Variants in ATP2B4 observed in about 807,000 individuals in gnomAD.
ATP2B4 encodes the protein ATPase plasma membrane Ca2+ transporting 4, also known as plasma membrane calcium-transporting ATPase 4.
In ATP2B4, 39 loss-of-function variants were observed where a neutral mutation model predicts 110.3. The observed-to-expected ratio is 0.35, with a 90% CI of 0.27 to 0.46. The LOEUF is 0.46. Ranked by LOEUF, ATP2B4 falls within the 20% of genes least tolerant of loss-of-function variation. The pLI, the probability that ATP2B4 is intolerant of heterozygous loss-of-function variation, is 1.00. For synonymous variants in ATP2B4, 538 were observed against 571.7 expected, an observed-to-expected ratio of 0.94 and a Z score of 0.84; for missense variants, 1,135 against 1,530.9, an observed-to-expected ratio of 0.74 and a Z score of 4.32.
At chr1:203,657,151 T>C (rs1308439246) in intron 1 of ATP2B4, 2 of 830,654 alleles carry the variant, frequency 2.4e-6, no homozygotes, top group East Asian at 2.4e-5. Context: ...GGGATTCTTC[T>C]TTACACCAAG....
intron 9 of ATP2B4, 115 bp from the exon 10 acceptor site, chr1:203,707,747 G>A: frequency 2.1e-6 from 3 of 1,420,304 alleles, no homozygotes; most frequent in Non-Finnish European, 2.9e-6. Flanking sequence ...TTGGATTTTT[G>A]TGTGGGACTG....
intron 1 of ATP2B4, among the ~76,000 whole-genome samples, chr1:203,669,065 T>G (rs939826386): frequency 1.3e-5 from 2 of 152,226 alleles, no homozygotes; most frequent in South Asian, 2.1e-4. Flanking sequence ...ATCTTATTTT[T>G]TCACTTCCTA....
intron 1 of ATP2B4, among the ~76,000 whole-genome samples, chr1:203,654,952 C>T (rs1404060548): frequency 6.8e-6 from 1 of 147,962 alleles, no homozygotes; most frequent in African/African-American, 2.5e-5. Context: ...AAAATATCAA[C>T]ATTAACAGGA....
At chr1:203,639,624 T>C (rs1299080324) in intron 1 of ATP2B4, among the ~76,000 whole-genome samples, 1 of 152,210 alleles carries the variant, frequency 6.6e-6, no homozygotes, top group Non-Finnish European at 1.5e-5. Flanking sequence ...GACCATGGCC[T>C]GAATGGTAAA....
rs1667043069 is a variant in ATP2B4 at position 203,744,074 on chromosome 1, A to G, written c.*4220A>G. The stretch of plus-strand genomic sequence containing the variant: ...GCACTGAGAATAAAAACTCATGCCC[A>G]CTTGTAACTGTGCTGTCCTCAATGC... On this transcript the variant is annotated 3_prime_UTR_variant, in exon 21 of 21. Coordinates refer to ENST00000357681, the MANE Select transcript of ATP2B4 (RefSeq NM_001684.5). 6.6e-6 allele frequency: 1 copy of G among 152,666 alleles called. No individual in the cohort carries two copies. The highest frequency in any genetic ancestry group is 2.1e-4 in the South Asian group (1 of 4,834). The allele number at this position is 152,666 out of a possible 1,614,324, so 9.5% of individuals were successfully genotyped here. A position where few individuals can be genotyped will look rare whatever the true frequency, so the allele number is the denominator to read the frequency against.
Position 203,664,390 on chromosome 1 carries a change from G to A in ATP2B4, c.-464-18352G>A, listed in dbSNP as rs141550160. ...GGGAGGCTCTGACAGAGGGGCAGGAGCAGTTTGCCTCCACTGTTCAGTGGC... is the reference window on the plus strand; with the variant it reads ...GGGAGGCTCTGACAGAGGGGCAGGAACAGTTTGCCTCCACTGTTCAGTGGC... On this transcript the variant is annotated intron_variant, in intron 1 of 20. Transcript: ENST00000357681. Among the ~76,000 whole-genome samples, 25 of 152,344 alleles carry A rather than the reference G, an allele frequency of 1.6e-4. No homozygotes were observed. In the East Asian group the frequency reaches 4.6e-3, roughly 28 times the overall value.
At chr1:203,693,844 C>G (rs960139945) in intron 2 of ATP2B4, among the ~76,000 whole-genome samples, 35 of 152,300 alleles carry the variant, frequency 2.3e-4, no homozygotes, top group African/African-American at 7.7e-4. Flanking sequence ...TCCCAGGAGG[C>G]AGAAACTTCA....
intron 1 of ATP2B4, among the ~76,000 whole-genome samples, chr1:203,680,225 G>A (rs1452821699): frequency 6.6e-6 from 1 of 152,134 alleles, no homozygotes; most frequent in Non-Finnish European, 1.5e-5. Flanking sequence ...TTTTGGTGGG[G>A]TGGGGGTTCC....
intron 1 of ATP2B4, among the ~76,000 whole-genome samples, chr1:203,660,121 C>T (rs1239812388): frequency 6.7e-6 from 1 of 149,960 alleles, no homozygotes; most frequent in Non-Finnish European, 1.5e-5. Flanking sequence ...AAGAAAGAAA[C>T]TTGTCCAAGG....
intron 1 of ATP2B4, among the ~76,000 whole-genome samples, chr1:203,653,985 A>ATATATATATATATATAT (rs1426863910): frequency 3.6e-5 from 4 of 112,428 alleles, no homozygotes; most frequent in African/African-American, 1.6e-4. Flanking sequence ...ATATATATAT[A>ATATATATATATATATAT]TTTTTTTTTT....
chr1:203,644,150 T>C (rs2886490), intron 1 of ATP2B4, among the ~76,000 whole-genome samples: 96,101 of 151,244 alleles, frequency 0.64, 34,043 homozygotes, highest in Non-Finnish European at 0.8. Context: ...CTCAGGAGAC[T>C]GAGGCAGGAG....
intron 2 of ATP2B4, among the ~76,000 whole-genome samples, chr1:203,685,106 C>T (rs59156771): frequency 0.015 from 2,210 of 152,316 alleles, 58 homozygotes; most frequent in African/African-American, 0.051. Context: ...TCACCTCAAC[C>T]TCCCAAAGTG....
In ATP2B4 at chr1:203,683,291, T is replaced by C; in HGVS notation, c.86T>C (p.Leu29Pro). Residue 29 changes from leucine (L) to proline (P), a missense_variant, in exon 2 of 21, where the codon CTG (leucine) becomes CCG (proline). Leu to Pro is a moderately conservative substitution (Grantham distance 98). Transcript: ENST00000357681. ...EGDFGCTVME[L>P]RKLMELRSRD... ...GACTTTGGCTGCACAGTAATGGAAC[T>C]GAGGAAGCTCATGGAGCTGCGTTCA... 6.2e-7 allele frequency: 1 copy of C among 1,614,200 alleles called. No homozygotes were observed. The highest frequency in any genetic ancestry group is 8.5e-7 in the Non-Finnish European group (1 of 1,180,032).
chr1:203,700,433 C>T (rs960155238), intron 5 of ATP2B4, 102 bp downstream of exon 5: 9 of 1,444,538 alleles, frequency 6.2e-6, no homozygotes, highest in Middle Eastern at 2.5e-4. Flanking sequence ...CCATCTCCTT[C>T]CCTGGGGTTC....
chr1:203,682,972 T>C lies in ATP2B4; in HGVS notation c.-234T>C. On this transcript the variant is annotated 5_prime_UTR_variant, in exon 2 of 21. Coordinates refer to ENST00000357681, the MANE Select transcript of ATP2B4 (RefSeq NM_001684.5). The stretch of plus-strand genomic sequence containing the variant: ...GACACGGAGTCCACCTTCCACTCAG[T>C]TCCCCCATCCTCTTCCTCCTCTCGC... 2 of 455,108 alleles carry C rather than the reference T, an allele frequency of 4.4e-6. No homozygotes were observed. The highest frequency in any genetic ancestry group is 7.9e-6 in the Non-Finnish European group (2 of 253,018). The allele number at this position is 455,108 out of a possible 1,614,324, so 28.2% of individuals were successfully genotyped here. A position where few individuals can be genotyped will look rare whatever the true frequency, so the allele number is the denominator to read the frequency against.
chr1:203,724,005 C>T lies in ATP2B4; in HGVS notation c.3132+17C>T. 7 of 1,587,024 alleles carry T rather than the reference C, an allele frequency of 4.4e-6. No individual in the cohort carries two copies. Among genetic ancestry groups the T allele is most frequent in the Non-Finnish European group, 6.0e-6 (7 of 1,164,400 alleles). ...TGGGGCCAGGTGAGTACCGGCACAC[C>T]CTCCTGGTGCATTCTCACAGCCTGC... is the stretch of plus-strand genomic sequence containing the variant. On this transcript the variant is annotated intron_variant, in intron 19 of 20. Transcript: ENST00000357681.
intron 1 of ATP2B4, among the ~76,000 whole-genome samples, chr1:203,644,244 C>T (rs1250111993): frequency 2.3e-5 from 3 of 131,300 alleles, no homozygotes; most frequent in Non-Finnish European, 4.7e-5. Flanking sequence ...AGCAAGACTC[C>T]ATCTTAAAAA....
intron 20 of ATP2B4, chr1:203,728,295 T>C: frequency 2.5e-6 from 1 of 401,100 alleles, no homozygotes; most frequent in East Asian, 7.6e-5. Context: ...CACAATAACT[T>C]TTATTTTTTC....
intron 1 of ATP2B4, among the ~76,000 whole-genome samples, chr1:203,665,448 AC>A (rs1469502018): frequency 1.3e-5 from 2 of 151,938 alleles, no homozygotes; most frequent in African/African-American, 2.4e-5. Context: ...TTCCTTTGAC[AC>A]CCAATACAGA....
Sources: allele counts gnomAD v4.1 joint callset (sites outside exome capture counted in the v4.1 genomes callset), GRCh38; gene constraint gnomAD v4.1.1; transcripts MANE v1.5; gene names NCBI Gene and HGNC (gene_info 2026-07-23, HGNC 2026-07-21).